PPFIA2: variants seen among roughly 807,000 people sequenced by gnomAD.
PPFIA2 encodes the protein liprin-alpha-2.
Under a neutral mutation model 175.5 loss-of-function variants are expected in PPFIA2, and 46 were observed. That is an observed-to-expected ratio of 0.26 (90% CI 0.21 to 0.34). The LOEUF is 0.34. Among genes scored for constraint, PPFIA2 ranks in the 10% least tolerant of loss-of-function variants. The pLI, the probability that PPFIA2 is intolerant of heterozygous loss-of-function variation, is 1.00. For missense variants in PPFIA2, 1,179 were observed against 1,506.1 expected, an observed-to-expected ratio of 0.78 and a Z score of 3.60; for synonymous variants, 568 against 511.4, an observed-to-expected ratio of 1.11 and a Z score of -1.49.
At chr12:81,363,275 A>C (rs968556684) in intron 14 of PPFIA2, among the ~76,000 whole-genome samples, 73 of 150,890 alleles carry the variant, frequency 4.8e-4, no homozygotes, top group Admixed American at 2.0e-4. Flanking sequence ...TTTTTTTAAA[A>C]AATATTAATT....
intron 4 of PPFIA2, among the ~76,000 whole-genome samples, chr12:81,656,585 T>C (rs2067826537): frequency 6.6e-6 from 1 of 152,062 alleles, no homozygotes; most frequent in Non-Finnish European, 1.5e-5. Context: ...AGATTAGCCA[T>C]TGTAATCTGT....
intron 4 of PPFIA2, among the ~76,000 whole-genome samples, chr12:81,486,091 A>T (rs1489742528): frequency 6.6e-6 from 1 of 151,888 alleles, no homozygotes; most frequent in Non-Finnish European, 1.5e-5. Context: ...AATGTAACAC[A>T]TAGGATTAAT....
At chr12:81,520,184 T>C (rs2062948787) in intron 4 of PPFIA2, among the ~76,000 whole-genome samples, 1 of 152,174 alleles carries the variant, frequency 6.6e-6, no homozygotes, top group African/African-American at 2.4e-5. Context: ...TGATTCTGGA[T>C]CACTGATCTA....
At chr12:81,721,371 TA>T (rs1449465610) in intron 3 of PPFIA2, among the ~76,000 whole-genome samples, 2 of 151,394 alleles carry the variant, frequency 1.3e-5, no homozygotes, top group Admixed American at 1.3e-4. Context: ...GGGAAGGGAC[TA>T]TGGTTACTAT....
At chr12:81,335,190 G>T (rs1566225373) in intron 21 of PPFIA2, among the ~76,000 whole-genome samples, 2 of 152,078 alleles carry the variant, frequency 1.3e-5, no homozygotes, top group Non-Finnish European at 2.9e-5. Context: ...AAGATCAAGT[G>T]ATAGCTTTTA....
At chr12:81,599,394 C>T (rs1179835972) in intron 4 of PPFIA2, among the ~76,000 whole-genome samples, 2 of 151,894 alleles carry the variant, frequency 1.3e-5, no homozygotes, top group East Asian at 1.9e-4. Context: ...GAAAAGTGAT[C>T]CTCAATTCTT....
chr12:81,311,351 A>T (rs1174963548), intron 22 of PPFIA2, among the ~76,000 whole-genome samples: 1 of 152,190 alleles, frequency 6.6e-6, no homozygotes, highest in Non-Finnish European at 1.5e-5. Flanking sequence ...TCCAGGGAAG[A>T]ACAGCATTTA....
chr12:81,272,631 C>CT, intron 28 of PPFIA2, among the ~76,000 whole-genome samples: 1 of 152,118 alleles, frequency 6.6e-6, no homozygotes, highest in Admixed American at 6.5e-5. Context: ...GGATATGTTT[C>CT]TTTTTTCTGA....
intron 4 of PPFIA2, among the ~76,000 whole-genome samples, chr12:81,463,446 C>T (rs376952951): frequency 6.6e-6 from 1 of 152,098 alleles, no homozygotes; most frequent in Non-Finnish European, 1.5e-5. Context: ...GTTCACCAAC[C>T]TATGCATGGC....
At chr12:81,311,701 C>G (rs933785605) in intron 22 of PPFIA2, among the ~76,000 whole-genome samples, 8 of 145,850 alleles carry the variant, frequency 5.5e-5, no homozygotes, top group African/African-American at 2.1e-4. Flanking sequence ...CCACTGCACT[C>G]CAGCCTGGGC....
At chr12:81,506,556 GAATTA>G (rs2061191989) in intron 4 of PPFIA2, among the ~76,000 whole-genome samples, 1 of 152,114 alleles carries the variant, frequency 6.6e-6, no homozygotes, top group Admixed American at 6.6e-5. Context: ...TTGATGAATT[GAATTA>G]AACACATATG....
At chr12:81,445,223 G>GGAGAGAGA (rs1191653426) in intron 6 of PPFIA2, among the ~76,000 whole-genome samples, 2 of 62,776 alleles carry the variant, frequency 3.2e-5, no homozygotes, top group African/African-American at 8.1e-5. Flanking sequence ...GGGGGAGGGG[G>GGAGAGAGA]GAGAGAGAGA....
intron 4 of PPFIA2, among the ~76,000 whole-genome samples, chr12:81,619,885 C>T (rs1262284836): frequency 6.6e-6 from 1 of 152,056 alleles, no homozygotes; most frequent in Non-Finnish European, 1.5e-5. Flanking sequence ...GCAGGCCAGG[C>T]GCGGTGGCTC....
intron 21 of PPFIA2, among the ~76,000 whole-genome samples, chr12:81,330,395 T>C (rs1039753719): frequency 2.0e-5 from 3 of 152,208 alleles, no homozygotes; most frequent in Non-Finnish European, 2.9e-5. Context: ...TTTTTGCCTT[T>C]AAAAATCTTT....
chr12:81,504,464 G>A (rs531929324), intron 4 of PPFIA2, among the ~76,000 whole-genome samples: 78 of 152,268 alleles, frequency 5.1e-4, no homozygotes, highest in African/African-American at 1.8e-3. Flanking sequence ...ACACCAGTTA[G>A]AATGGCGATC....
chr12:81,505,950 G>T (rs2061121557), intron 4 of PPFIA2: 1 of 152,166 alleles, frequency 6.6e-6, no homozygotes, highest in Admixed American at 6.6e-5. Flanking sequence ...AGGAACATCT[G>T]TTCTAGTGGT....
At chr12:81,621,404 T>C (rs961213311) in intron 4 of PPFIA2, among the ~76,000 whole-genome samples, 1 of 152,230 alleles carries the variant, frequency 6.6e-6, no homozygotes, top group Non-Finnish European at 1.5e-5. Context: ...ATTTTTATTC[T>C]AAGTAAGATC....
intron 14 of PPFIA2, among the ~76,000 whole-genome samples, chr12:81,365,175 A>G (rs747481027): frequency 2.6e-5 from 4 of 151,924 alleles, no homozygotes; most frequent in Admixed American, 6.6e-5. Context: ...AGAAACTTCA[A>G]ATTGTAGAGA....
chr12:81,406,025 A>G, intron 7 of PPFIA2, 122 bp from the exon 8 acceptor site: 1 of 537,258 alleles, frequency 1.9e-6, no homozygotes, highest in Non-Finnish European at 3.3e-6. Flanking sequence ...GAAAGTGAAC[A>G]TTACATTTTA....
Sources: gnomAD v4.1 joint callset for allele counts (sites outside exome capture counted in the v4.1 genomes callset) on GRCh38, gnomAD v4.1.1 for gene constraint, MANE v1.5 for transcripts, NCBI Gene and HGNC (gene_info 2026-07-23, HGNC 2026-07-21) for gene names.